ELAVL2: variants seen among roughly 807,000 people sequenced by gnomAD.
The protein encoded by ELAVL2 is ELAV like RNA binding protein 2, also known as ELAV-like protein 2.
A neutral mutation model predicts 34.6 loss-of-function variants in ELAVL2; 4 were observed. The observed-to-expected ratio is 0.12, with a 90% CI of 0.06 to 0.26. The LOEUF (loss-of-function observed/expected upper bound fraction) is 0.26. Among genes scored for constraint, ELAVL2 ranks in the 10% least tolerant of loss-of-function variants. The pLI is 1.00. For missense variants in ELAVL2, 432 were observed against 442.8 expected, an observed-to-expected ratio of 0.98 and a Z score of 0.22; for synonymous variants, 193 against 154.8, an observed-to-expected ratio of 1.25 and a Z score of -1.83.
intron 1 of ELAVL2, among the ~76,000 whole-genome samples, chr9:23,802,307 T>C (rs192891885): frequency 7.2e-4 from 109 of 152,306 alleles, no homozygotes; most frequent in African/African-American, 2.6e-3. Flanking sequence ...ATGTTAGTGC[T>C]ACAAGGGACT....
intron 3 of ELAVL2, among the ~76,000 whole-genome samples, chr9:23,729,448 C>T (rs937119237): frequency 3.3e-5 from 5 of 152,184 alleles, no homozygotes; most frequent in Admixed American, 3.3e-4. Flanking sequence ...CTTATTGTTA[C>T]TTAATAGTAC....
At chr9:23,808,251 T>C (rs1047375670) in intron 1 of ELAVL2, among the ~76,000 whole-genome samples, 1 of 152,166 alleles carries the variant, frequency 6.6e-6, no homozygotes, top group Non-Finnish European at 1.5e-5. Flanking sequence ...TTATTTTCCT[T>C]CACAGCACAA....
intron 1 of ELAVL2, among the ~76,000 whole-genome samples, chr9:23,774,961 C>CA (rs1458929072): frequency 1.3e-5 from 2 of 152,158 alleles, no homozygotes; most frequent in Non-Finnish European, 2.9e-5. Flanking sequence ...TACATTCATA[C>CA]AAAATCATAC....
At chr9:23,814,851 A>G (rs180855490) in intron 1 of ELAVL2, among the ~76,000 whole-genome samples, 1 of 152,312 alleles carries the variant, frequency 6.6e-6, no homozygotes, top group Non-Finnish European at 1.5e-5. Context: ...AAACAAGATC[A>G]AGTGCTCCAG....
intron 1 of ELAVL2, among the ~76,000 whole-genome samples, chr9:23,789,868 T>G (rs1027322419): frequency 1.3e-5 from 2 of 152,228 alleles, no homozygotes; most frequent in Non-Finnish European, 2.9e-5. Flanking sequence ...GAAAACATAT[T>G]TGAAGTTTTT....
intron 2 of ELAVL2, among the ~76,000 whole-genome samples, chr9:23,759,750 AG>A (rs1299804016): frequency 4.3e-4 from 42 of 97,542 alleles, no homozygotes; most frequent in African/African-American, 2.0e-3. Context: ...CATCATATAT[AG>A]TATTATATAT....
At chr9:23,712,238 G>C (rs189350052) in intron 3 of ELAVL2, among the ~76,000 whole-genome samples, 1 of 149,798 alleles carries the variant, frequency 6.7e-6, no homozygotes, top group Non-Finnish European at 1.5e-5. Flanking sequence ...TAGGACTCGC[G>C]GTCTTAGCTC....
chr9:23,741,547 A>T (rs1327924130), intron 2 of ELAVL2, among the ~76,000 whole-genome samples: 1 of 151,408 alleles, frequency 6.6e-6, no homozygotes, highest in Non-Finnish European at 1.5e-5. Context: ...ACTCCCCCTT[A>T]GGCAATCCAT....
intron 3 of ELAVL2, among the ~76,000 whole-genome samples, chr9:23,712,688 G>A (rs1020748689): frequency 2.0e-5 from 3 of 152,076 alleles, no homozygotes; most frequent in Admixed American, 6.5e-5. Flanking sequence ...CAGGAAAACA[G>A]AATGGCAACT....
At chr9:23,763,770 T>TA (rs1355340620) in intron 1 of ELAVL2, among the ~76,000 whole-genome samples, 5 of 152,030 alleles carry the variant, frequency 3.3e-5, no homozygotes, top group South Asian at 2.1e-4. Context: ...GCTGTCATGA[T>TA]AAAAAAACAT....
At chr9:23,821,517 G>T (rs1010851594) in intron 1 of ELAVL2, 1 of 152,192 alleles carries the variant, frequency 6.6e-6, no homozygotes, top group African/African-American at 2.4e-5. Context: ...ACGCAGCGGG[G>T]GCGCGCACAG....
intron 3 of ELAVL2, among the ~76,000 whole-genome samples, chr9:23,717,323 G>A (rs148609861): frequency 6.6e-6 from 1 of 152,176 alleles, no homozygotes; most frequent in East Asian, 1.9e-4. Flanking sequence ...GCAGAGCAAG[G>A]CAAATATGTT....
At chr9:23,792,690 C>T (rs2060463339) in intron 1 of ELAVL2, among the ~76,000 whole-genome samples, 1 of 152,216 alleles carries the variant, frequency 6.6e-6, no homozygotes. Context: ...CTTCTCAAGC[C>T]AAAACCCTGC....
At position 23,798,765 on chromosome 9, in the gene ELAVL2, T is replaced by C. The variant is rs966045965; in HGVS notation, c.-16+27041A>G. Among the ~76,000 whole-genome samples, 12 of 152,136 alleles carry C rather than the reference T, an allele frequency of 7.9e-5. No individual in the cohort carries two copies. In the South Asian group the frequency reaches 1.0e-3, roughly 13 times the overall value. On this transcript the variant is annotated intron_variant, in intron 1 of 6. Coordinates refer to ENST00000397312, the MANE Select transcript of ELAVL2 (RefSeq NM_004432.5). ...CTAGGTGAACACTTTCCATTTCCAA[T>C]AGGCCTTGTCCATTTTTCCCTTCTC...
intron 4 of ELAVL2, among the ~76,000 whole-genome samples, chr9:23,703,299 T>TA (rs932405669): frequency 6.6e-6 from 1 of 152,196 alleles, no homozygotes; most frequent in Non-Finnish European, 1.5e-5. Flanking sequence ...ACAAATGAAA[T>TA]AAAAAATATT....
intron 1 of ELAVL2, among the ~76,000 whole-genome samples, chr9:23,785,355 G>A (rs1028551137): frequency 6.6e-6 from 1 of 152,170 alleles, no homozygotes; most frequent in African/African-American, 2.4e-5. Context: ...CAGCAGCCAA[G>A]TAAGAGCCCA....
intron 3 of ELAVL2, among the ~76,000 whole-genome samples, chr9:23,719,249 A>G (rs906678623): frequency 6.6e-6 from 1 of 152,176 alleles, no homozygotes; most frequent in South Asian, 2.1e-4. Context: ...GCTGACTGAT[A>G]GCATCAATAA....
intron 4 of ELAVL2, 29 bp from the exon 5 acceptor site, chr9:23,701,633 A>C: frequency 1.2e-6 from 2 of 1,606,750 alleles, no homozygotes; most frequent in Non-Finnish European, 8.5e-7. Context: ...AAGATTTGGA[A>C]AAGAGGGAAC....
At chr9:23,762,321 T>G (rs1588213602) in intron 1 of ELAVL2, 72 bp from the exon 2 acceptor site, 3 of 1,546,398 alleles carry the variant, frequency 1.9e-6, no homozygotes, top group Non-Finnish European at 2.6e-6. Flanking sequence ...TCCAAGAATT[T>G]AAACACTTGT....
Sources: gnomAD v4.1 joint callset for allele counts (sites outside exome capture counted in the v4.1 genomes callset) on GRCh38, gnomAD v4.1.1 for gene constraint, MANE v1.5 for transcripts, NCBI Gene and HGNC (gene_info 2026-07-23, HGNC 2026-07-21) for gene names.